ENTREP2: variants seen among roughly 807,000 people sequenced by gnomAD.
ENTREP2 encodes protein ENTREP2.
At chr15:29,657,435 A>G in the ENTREP2 span, among the ~76,000 whole-genome samples, 1 of 118,154 alleles carries the variant, frequency 8.5e-6, no homozygotes, top group East Asian at 3.0e-4. Context: ...CAAAGCTTCC[A>G]CCACACAGAA....
chr15:29,540,097 C>T, the ENTREP2 span, among the ~76,000 whole-genome samples: 2 of 152,180 alleles, frequency 1.3e-5, no homozygotes, highest in African/African-American at 4.8e-5. Flanking sequence ...CCCCATACTC[C>T]TGACACCCCA....
At chr15:29,213,836 C>T in the ENTREP2 span, among the ~76,000 whole-genome samples, 2 of 151,864 alleles carry the variant, frequency 1.3e-5, no homozygotes, top group African/African-American at 4.8e-5. Context: ...AGAACTCCAA[C>T]AAATTTACAA....
At chr15:29,341,287 C>T in the ENTREP2 span, among the ~76,000 whole-genome samples, 1 of 152,188 alleles carries the variant, frequency 6.6e-6, no homozygotes, top group Non-Finnish European at 1.5e-5. Flanking sequence ...TTGCTTATAC[C>T]TTTGTTCACT....
At chr15:29,514,970 CT>C in the ENTREP2 span, among the ~76,000 whole-genome samples, 1 of 152,218 alleles carries the variant, frequency 6.6e-6, no homozygotes, top group Non-Finnish European at 1.5e-5. Context: ...AAGGGCCCCC[CT>C]GTCCTTACTG....
At chr15:29,643,780 C>CAAA in the ENTREP2 span, among the ~76,000 whole-genome samples, 1 of 70,094 alleles carries the variant, frequency 1.4e-5, no homozygotes, top group African/African-American at 4.0e-5. Flanking sequence ...GACTCTGTCT[C>CAAA]AAAAAAAAAA....
the ENTREP2 span, among the ~76,000 whole-genome samples, chr15:29,159,395 T>C: frequency 6.6e-6 from 1 of 152,178 alleles, no homozygotes; most frequent in East Asian, 1.9e-4. Context: ...GCAAGATTTA[T>C]TGCAAACAGC....
chr15:29,269,556 C>A, the ENTREP2 span: 1 of 1,516,806 alleles, frequency 6.6e-7, no homozygotes, highest in East Asian at 2.8e-5. Flanking sequence ...GCCCGCGGGA[C>A]GTGCTCGGGG....
the ENTREP2 span, among the ~76,000 whole-genome samples, chr15:29,240,400 T>G: frequency 2.0e-5 from 3 of 151,558 alleles, no homozygotes; most frequent in Non-Finnish European, 4.4e-5. Flanking sequence ...AAAGGAAAAC[T>G]TAATCCTCAA....
the ENTREP2 span, among the ~76,000 whole-genome samples, chr15:29,173,729 G>C: frequency 6.6e-6 from 1 of 151,970 alleles, no homozygotes. Flanking sequence ...CACCCCAGAG[G>C]ACCAAAATGA....
At chr15:29,615,089 A>C in the ENTREP2 span, among the ~76,000 whole-genome samples, 2 of 151,800 alleles carry the variant, frequency 1.3e-5, no homozygotes, top group African/African-American at 2.4e-5. Flanking sequence ...CCTTTGGAGG[A>C]GTCGCCCCGC....
the ENTREP2 span, among the ~76,000 whole-genome samples, chr15:29,524,872 G>T: frequency 2.6e-5 from 4 of 152,206 alleles, no homozygotes; most frequent in Non-Finnish European, 5.9e-5. Context: ...CCCATACAAG[G>T]GAGGGGACCC....
At chr15:29,123,634 G>A in the ENTREP2 span, 4 of 1,549,902 alleles carry the variant, frequency 2.6e-6, no homozygotes, top group Non-Finnish European at 3.5e-6. Context: ...ACAGGCAGCC[G>A]TGGCAGAGCG....
At chr15:29,405,559 C>T in the ENTREP2 span, among the ~76,000 whole-genome samples, 43 of 152,270 alleles carry the variant, frequency 2.8e-4, 1 homozygote, top group African/African-American at 9.6e-4. Context: ...GTCACCTCTG[C>T]CTCCCCCTCA....
chr15:29,269,802 C>CG, the ENTREP2 span: 1 of 1,177,670 alleles, frequency 8.5e-7, no homozygotes, highest in Non-Finnish European at 1.1e-6. Flanking sequence ...CCTGGAGGCG[C>CG]GCGCAGTGTC....
the ENTREP2 span, among the ~76,000 whole-genome samples, chr15:29,134,698 G>A: frequency 6.6e-6 from 1 of 152,200 alleles, no homozygotes; most frequent in Non-Finnish European, 1.5e-5. Context: ...GGAAGGGCTT[G>A]TGAGCTTATT....
the ENTREP2 span, among the ~76,000 whole-genome samples, chr15:29,503,484 G>T: frequency 6.6e-6 from 1 of 151,958 alleles, no homozygotes; most frequent in African/African-American, 2.4e-5. Context: ...TCTTTTTGGG[G>T]TGATGGAAAT....
chr15:29,121,115 CAG>C, the ENTREP2 span: 1 of 152,306 alleles, frequency 6.6e-6, no homozygotes, highest in South Asian at 2.1e-4. Flanking sequence ...ATCCACAAAA[CAG>C]AGCTGCCACC....
the ENTREP2 span, among the ~76,000 whole-genome samples, chr15:29,650,509 CTT>C: frequency 1.3e-5 from 2 of 152,084 alleles, no homozygotes; most frequent in Admixed American, 1.3e-4. Context: ...AGGAGAATCA[CTT>C]GAACCTGGGA....
chr15:29,649,742 A>AG, the ENTREP2 span, among the ~76,000 whole-genome samples: 25 of 151,002 alleles, frequency 1.7e-4, no homozygotes, highest in African/African-American at 5.1e-4. Context: ...AAAAAAAAAA[A>AG]AAAGAAAGAA....
Sources: gnomAD v4.1 joint callset for allele counts (sites outside exome capture counted in the v4.1 genomes callset) on GRCh38, gnomAD v4.1.1 for gene constraint, MANE v1.5 for transcripts, NCBI Gene and HGNC (gene_info 2026-07-23, HGNC 2026-07-21) for gene names.